The following PLCXD1 variants were observed in gnomAD, a reference collection of about 807,000 sequenced individuals.
PLCXD1 encodes the protein phosphatidylinositol specific phospholipase C X domain containing 1.
A neutral mutation model predicts 37.8 loss-of-function variants in PLCXD1; 45 were observed. The observed-to-expected ratio is 1.19, with a 90% confidence interval of 0.94 to 1.53. PLCXD1 has a LOEUF of 1.53. PLCXD1 is among the 40% of genes most tolerant of loss of function. PLCXD1 has a pLI of 0.00. For missense variants in PLCXD1, 539 were observed against 454.7 expected (o/e 1.19, Z -1.69); for synonymous variants, 246 against 206.9 (o/e 1.19, Z -1.62).
chrX:279,113 A>AGGT (rs1471848450), upstream of PLCXD1, among the ~76,000 whole-genome samples: 4 of 152,200 alleles, frequency 2.6e-5, no homozygotes, highest in Non-Finnish European at 1.5e-5. Flanking sequence ...AGGGATTGCA[A>AGGT]GGTGCGTGGT....
At chrX:292,745 C>T (rs1398805106) in intron 5 of PLCXD1, among the ~76,000 whole-genome samples, 5 of 151,828 alleles carry the variant, frequency 3.3e-5, no homozygotes, top group Non-Finnish European at 7.4e-5. Context: ...TCTGACTAGC[C>T]GGGATGACAG....
At chrX:285,281 TAC>T (rs921739914) in intron 2 of PLCXD1, among the ~76,000 whole-genome samples, 6 of 152,034 alleles carry the variant, frequency 3.9e-5, no homozygotes, top group Admixed American at 1.3e-4. Context: ...CATAGGCTCA[TAC>T]ACACATGGAT....
rs2069980598 is a variant in PLCXD1 at position 300,553 on chromosome X, T to TGCATGTATATGTGTATGTGTAC, written c.*1219_*1240dup. 1.4e-5 allele frequency: 2 copies of TGCATGTATATGTGTATGTGTAC among 147,204 alleles called. No homozygotes were observed. Among genetic ancestry groups the TGCATGTATATGTGTATGTGTAC allele is most frequent in the African/African-American group, 5.4e-5 (2 of 36,746 alleles). The allele number at this position is 147,204 out of a possible 1,614,324, so 9.1% of individuals were successfully genotyped here. A position where few individuals can be genotyped will look rare whatever the true frequency, so the allele number is the denominator to read the frequency against. ...GTGTATGCATACATGTATATGTGTA[T>TGCATGTATATGTGTATGTGTAC]GCATGTATATGTGTATGTGTACATG... On this transcript the variant is annotated 3_prime_UTR_variant, in exon 7 of 7. Transcript: ENST00000381657.
Position 299,463 on chromosome X carries a change from A to C in PLCXD1, c.*128A>C. The C allele has an allele frequency of 1.3e-6, 1 of 768,340 alleles. No individual in the cohort carries two copies. The highest frequency in any genetic ancestry group is 2.2e-6 in the Non-Finnish European group (1 of 449,556). The allele number at this position is 768,340 out of a possible 1,614,324, so 47.6% of individuals were successfully genotyped here. A position where few individuals can be genotyped will look rare whatever the true frequency, so the allele number is the denominator to read the frequency against. ...ATGATAATACGTTTTCATTTTCTTT[A>C]AAATAGAGATGGGGTGGCTGGGCGT... On this transcript the variant is annotated 3_prime_UTR_variant, in exon 7 of 7. Coordinates refer to ENST00000381657, the MANE Select transcript of PLCXD1 (RefSeq NM_018390.4).
intron 6 of PLCXD1, among the ~76,000 whole-genome samples, chrX:295,710 G>A (rs372542828): frequency 9.6e-4 from 145 of 151,610 alleles, no homozygotes; most frequent in African/African-American, 3.3e-3. Flanking sequence ...TGTATTTTTA[G>A]TAGAGACAGG....
At chrX:293,446 A>T (rs1434898471) in intron 6 of PLCXD1, among the ~76,000 whole-genome samples, 1 of 152,180 alleles carries the variant, frequency 6.6e-6, no homozygotes, top group Non-Finnish European at 1.5e-5. Flanking sequence ...CAACATAGTG[A>T]GACCCCAACT....
In PLCXD1 at chrX:303,237, A is replaced by G. The variant is rs2070072251; in HGVS notation, c.*3902A>G. 6.6e-6 allele frequency: 1 copy of G among 152,114 alleles called. No individual in the cohort carries two copies. Among genetic ancestry groups the G allele is most frequent in the Non-Finnish European group, 1.5e-5 (1 of 68,032 alleles). The allele number at this position is 152,114 out of a possible 1,614,324, so 9.4% of individuals were successfully genotyped here. ...TCGGGCAGGCCCCGCGGAGATGAAG[A>G]ATTTGCAGGGAGCCTCCCTGACTTC... On this transcript the variant is annotated 3_prime_UTR_variant, in exon 7 of 7. Coordinates refer to ENST00000381657, the MANE Select transcript of PLCXD1 (RefSeq NM_018390.4).
intron 6 of PLCXD1, among the ~76,000 whole-genome samples, chrX:296,550 T>G (rs1481685800): frequency 2.0e-5 from 3 of 152,204 alleles, no homozygotes; most frequent in Admixed American, 1.3e-4. Flanking sequence ...TGGGGGAGCT[T>G]CTTCAAATAT....
At chrX:289,251 C>A (rs1199594668) in intron 3 of PLCXD1, among the ~76,000 whole-genome samples, 2 of 152,014 alleles carry the variant, frequency 1.3e-5, no homozygotes, top group African/African-American at 4.8e-5. Context: ...CCACACCTGG[C>A]TAATTTTTTG....
chrX:293,887 C>G (rs949270507), intron 6 of PLCXD1, among the ~76,000 whole-genome samples: 2 of 152,190 alleles, frequency 1.3e-5, no homozygotes, highest in East Asian at 1.9e-4. Context: ...TGAGGACTGA[C>G]TGCTTCATGG....
At chrX:282,956 T>TTA (rs976555911) in intron 1 of PLCXD1, among the ~76,000 whole-genome samples, 2 of 143,626 alleles carry the variant, frequency 1.4e-5, no homozygotes, top group African/African-American at 5.2e-5. Flanking sequence ...TATATATATA[T>TTA]TATATATGTA....
intron 4 of PLCXD1, 121 bp downstream of exon 4, chrX:290,897 GCAGGTGCGGCC>G (rs1184299978): frequency 4.8e-5 from 16 of 333,734 alleles, no homozygotes; most frequent in Admixed American, 2.1e-4. Flanking sequence ...GGGCACTGGT[GCAGGTGCGGCC>G]GGGCTGAGGT....
rs746029168 is a variant in PLCXD1, at chrX:293,042, C to T, written c.557C>T (p.Pro186Leu). The change falls in exon 6 of 7, where the codon CCG (proline) becomes CTG (leucine). Residue 186 changes from proline to leucine, a missense_variant. Coordinates refer to ENST00000381657, the MANE Select transcript of PLCXD1 (RefSeq NM_018390.4). ...AACTCTGGTCCTTTGCAGGAGGTGC[C>T]GACACTGCGGCAGCTGTGGTCCCGG... ...GDMLCPRGEV[P>L]TLRQLWSRGQ... 53 of 1,606,126 alleles carry T rather than the reference C, an allele frequency of 3.3e-5. No homozygotes were observed. Among genetic ancestry groups the T allele is most frequent in the Non-Finnish European group, 3.9e-5 (46 of 1,175,724 alleles).
upstream of PLCXD1, among the ~76,000 whole-genome samples, chrX:280,091 C>T (rs1422068980): frequency 9.2e-5 from 14 of 152,172 alleles, no homozygotes; most frequent in African/African-American, 2.9e-4. Flanking sequence ...TCAGGTGATC[C>T]GCCCGCCTCG....
chrX:279,579 C>T (rs1324831701), upstream of PLCXD1, among the ~76,000 whole-genome samples: 1 of 152,108 alleles, frequency 6.6e-6, no homozygotes, highest in African/African-American at 2.4e-5. Context: ...CGAGACCAGC[C>T]TGGCCAACAT....
intron 1 of PLCXD1, chrX:283,731 T>A (rs1419143842): frequency 1.3e-5 from 2 of 155,880 alleles, no homozygotes; most frequent in Admixed American, 1.3e-4. Context: ...GGAATCGCCA[T>A]GTGGGCTGGA....
intron 2 of PLCXD1, among the ~76,000 whole-genome samples, chrX:288,075 C>T (rs2069514011): frequency 1.3e-5 from 2 of 151,198 alleles, no homozygotes; most frequent in Admixed American, 1.3e-4. Context: ...GTCTCTGCCT[C>T]CATCTCCACG....
chrX:295,171 G>GAA (rs931172160), intron 6 of PLCXD1, among the ~76,000 whole-genome samples: 20 of 137,966 alleles, frequency 1.4e-4, no homozygotes, highest in Non-Finnish European at 1.3e-4. Flanking sequence ...TCCATCTTGG[G>GAA]AAAAAAAAAA....
intron 2 of PLCXD1, among the ~76,000 whole-genome samples, chrX:285,066 G>T (rs1339047973): frequency 6.6e-6 from 1 of 151,766 alleles, no homozygotes; most frequent in East Asian, 2.0e-4. Flanking sequence ...ACATACATAG[G>T]TGCACATAGG....
Sources: gnomAD v4.1 joint callset for allele counts (sites outside exome capture counted in the v4.1 genomes callset) on GRCh38, gnomAD v4.1.1 for gene constraint, MANE v1.5 for transcripts, NCBI Gene and HGNC (gene_info 2026-07-23, HGNC 2026-07-21) for gene names.